The following RABL3 variants were observed in gnomAD, a reference collection of about 807,000 sequenced individuals.
RABL3 encodes the protein rab-like protein 3.
In RABL3, 31 loss-of-function variants were observed where a neutral mutation model predicts 31.8. The observed-to-expected ratio is 0.97, with a 90% confidence interval of 0.73 to 1.31. The LOEUF (loss-of-function observed/expected upper bound fraction) is 1.31, where lower values mean the gene tolerates loss of function less well. Among genes scored for constraint, RABL3 ranks in the 40% most tolerant of loss-of-function variants. RABL3 has a pLI of 0.00. For missense variants in RABL3, 263 were observed against 279.6 expected (o/e 0.94, Z 0.42); for synonymous variants, 97 against 99.9 (o/e 0.97, Z 0.18).
chr3:120,722,031 T>C (rs564922649), intron 2 of RABL3: 10 of 151,678 alleles, frequency 6.6e-5, no homozygotes, highest in African/African-American at 1.7e-4. Context: ...AACATACTCG[T>C]AGGCGTAAAT....
At chr3:120,724,247 G>T (rs1264573441) in intron 2 of RABL3, among the ~76,000 whole-genome samples, 1 of 152,210 alleles carries the variant, frequency 6.6e-6, no homozygotes, top group East Asian at 1.9e-4. Context: ...TACAAGGGAT[G>T]TGAAGGACCT....
At chr3:120,711,788 C>G (rs1708615573) in intron 2 of RABL3, among the ~76,000 whole-genome samples, 1 of 152,080 alleles carries the variant, frequency 6.6e-6, no homozygotes, top group Admixed American at 6.5e-5. Flanking sequence ...GAATCAGGAC[C>G]TTTGGGATTA....
intron 1 of RABL3, among the ~76,000 whole-genome samples, chr3:120,734,039 T>G (rs1708922763): frequency 6.6e-6 from 1 of 152,186 alleles, no homozygotes; most frequent in South Asian, 2.1e-4. Context: ...TGTGGGCGCT[T>G]TTTTGGTTCC....
intron 1 of RABL3, among the ~76,000 whole-genome samples, chr3:120,733,372 T>C (rs1026198545): frequency 1.3e-5 from 2 of 152,086 alleles, no homozygotes; most frequent in African/African-American, 2.4e-5. Flanking sequence ...TTTTGAGAAG[T>C]GTCTGTTTAT....
chr3:120,734,405 C>G (rs1005040321), intron 1 of RABL3, among the ~76,000 whole-genome samples: 18 of 152,206 alleles, frequency 1.2e-4, no homozygotes, highest in African/African-American at 3.9e-4. Context: ...TATCCTGAGA[C>G]TTTGCTGAAG....
chr3:120,731,393 C>G (rs1188982688), intron 1 of RABL3, among the ~76,000 whole-genome samples: 1 of 152,150 alleles, frequency 6.6e-6, no homozygotes, highest in East Asian at 1.9e-4. Flanking sequence ...AAGCAGCCAA[C>G]CACTTAGCCA....
intron 1 of RABL3, among the ~76,000 whole-genome samples, chr3:120,739,372 G>C (rs529880918): frequency 2.0e-5 from 3 of 152,180 alleles, no homozygotes; most frequent in South Asian, 2.1e-4. Flanking sequence ...GCAACAATCC[G>C]TCTCGGTGGT....
chr3:120,733,085 G>T (rs577796437), intron 1 of RABL3, among the ~76,000 whole-genome samples: 2,755 of 152,222 alleles, frequency 0.018, 91 homozygotes, highest in African/African-American at 0.063. Flanking sequence ...CCCAGTAACG[G>T]GATGGCCGGG....
chr3:120,736,821 G>T (rs1156273656), intron 1 of RABL3, among the ~76,000 whole-genome samples: 1 of 152,252 alleles, frequency 6.6e-6, no homozygotes, highest in South Asian at 2.1e-4. Flanking sequence ...TGAAATTCTG[G>T]GTTGAAAATT....
At chr3:120,722,437 G>C (rs1708756646) in intron 2 of RABL3, 1 of 152,150 alleles carries the variant, frequency 6.6e-6, no homozygotes, top group South Asian at 2.1e-4. Flanking sequence ...TTAAGTTACA[G>C]GTTAAGTCCC....
intron 1 of RABL3, among the ~76,000 whole-genome samples, chr3:120,736,751 T>G (rs1189998454): frequency 1.3e-5 from 2 of 152,188 alleles, no homozygotes; most frequent in South Asian, 2.1e-4. Flanking sequence ...CTCTCAGCAT[T>G]TGCTTGTCTG....
intron 2 of RABL3, among the ~76,000 whole-genome samples, chr3:120,729,753 C>G (rs1263140510): frequency 6.6e-6 from 1 of 151,718 alleles, no homozygotes; most frequent in African/African-American, 2.4e-5. Context: ...GTACATCATC[C>G]AGAAGGCAGC....
intron 2 of RABL3, among the ~76,000 whole-genome samples, chr3:120,719,376 G>A (rs576253099): frequency 1.3e-5 from 2 of 152,178 alleles, no homozygotes; most frequent in Non-Finnish European, 2.9e-5. Flanking sequence ...ACAGCGCACC[G>A]AGTGTGAGTC....
chr3:120,691,568 C>T (rs1490673149), intron 6 of RABL3, among the ~76,000 whole-genome samples: 1 of 152,154 alleles, frequency 6.6e-6, no homozygotes, highest in Non-Finnish European at 1.5e-5. Flanking sequence ...TTAAGGAAGG[C>T]TAGGCTAAGC....
Position 120,698,467 on chromosome 3 carries a change from T to A in RABL3, c.490A>T (p.Thr164Ser). The A allele has an allele frequency of 6.2e-7, 1 of 1,614,016 alleles. No individual in the cohort carries two copies. The highest frequency in any genetic ancestry group is 8.5e-7 in the Non-Finnish European group (1 of 1,179,944). ...TTGAAATCCTCAGCCAGGAAAGCAGTCCTAGTTAAAACTTCATGGCGCTTT... is the reference window on the plus strand; with the variant it reads ...TTGAAATCCTCAGCCAGGAAAGCAGACCTAGTTAAAACTTCATGGCGCTTT... ...ETKRHEVLTR[T>S]AFLAEDFNPE... Residue 164 changes from threonine to serine, a missense_variant, in exon 5 of 8, where the codon ACT becomes TCT. Transcript: ENST00000273375.
intron 2 of RABL3, among the ~76,000 whole-genome samples, chr3:120,715,829 G>A (rs773895473): frequency 2.0e-5 from 3 of 151,956 alleles, no homozygotes; most frequent in East Asian, 1.9e-4. Flanking sequence ...GGTTTGAATC[G>A]CAGTTCCATA....
chr3:120,698,686 T>G, intron 4 of RABL3, 113 bp from the exon 5 acceptor site: 1 of 882,496 alleles, frequency 1.1e-6, no homozygotes, highest in Non-Finnish European at 1.7e-6. Context: ...TGATTTTTGC[T>G]GCCTTCACCT....
At chr3:120,732,045 C>T (rs773542754) in intron 1 of RABL3, among the ~76,000 whole-genome samples, 10 of 151,880 alleles carry the variant, frequency 6.6e-5, no homozygotes, top group Admixed American at 2.0e-4. Context: ...GGTGACAGAG[C>T]GAGACACTGT....
At chr3:120,730,615 T>C (rs1708870761) in intron 2 of RABL3, 81 bp downstream of exon 2, 5 of 940,714 alleles carry the variant, frequency 5.3e-6, no homozygotes, top group Admixed American at 2.0e-5. Context: ...ATCTTGACCA[T>C]AGTACTGTAA....
Sources: gnomAD v4.1 joint callset for allele counts (sites outside exome capture counted in the v4.1 genomes callset) on GRCh38, gnomAD v4.1.1 for gene constraint, MANE v1.5 for transcripts, NCBI Gene and HGNC (gene_info 2026-07-23, HGNC 2026-07-21) for gene names.